The following NRXN1 variants were observed in gnomAD, a reference collection of about 807,000 sequenced individuals.
NRXN1 encodes the protein neurexin-1.
A neutral mutation model predicts 150.9 loss-of-function variants in NRXN1; 39 were observed. The observed-to-expected ratio is 0.26, with a 90% CI of 0.20 to 0.34. NRXN1 has a LOEUF of 0.34. NRXN1 is among the 10% of genes least tolerant of loss of function. The pLI, the probability that NRXN1 is intolerant of heterozygous loss-of-function variation, is 1.00. For missense variants in NRXN1, 1,815 were observed against 1,949.9 expected, an observed-to-expected ratio of 0.93 and a Z score of 1.30; for synonymous variants, 924 against 757.0, an observed-to-expected ratio of 1.22 and a Z score of -3.62.
chr2:50,087,520 A>G (rs1698960328), intron 19 of NRXN1, among the ~76,000 whole-genome samples: 1 of 152,080 alleles, frequency 6.6e-6, no homozygotes, highest in Non-Finnish European at 1.5e-5. Context: ...TTTTGTGGAG[A>G]GAGAAAATTT....
chr2:50,158,918 G>A (rs776394971), intron 18 of NRXN1, among the ~76,000 whole-genome samples: 7 of 152,028 alleles, frequency 4.6e-5, no homozygotes, highest in South Asian at 2.1e-4. Flanking sequence ...GTCAGGATAC[G>A]ACAAAAAACG....
At chr2:50,516,697 T>C (rs1430146306) in intron 12 of NRXN1, among the ~76,000 whole-genome samples, 1 of 152,132 alleles carries the variant, frequency 6.6e-6, no homozygotes, top group African/African-American at 2.4e-5. Flanking sequence ...TGCTCCTCAA[T>C]TTAGCCAAGG....
At position 50,584,459 on chromosome 2, in the gene NRXN1, C is replaced by A. The variant is rs1672777669; in HGVS notation, c.1321-31434G>T. Among the ~76,000 whole-genome samples, 3 of 152,256 alleles carry A rather than the reference C, an allele frequency of 2.0e-5. No homozygotes were observed. The South Asian group carries it at 6.2e-4, about 32-fold the overall frequency. On this transcript the variant is annotated intron_variant, in intron 8 of 22. Coordinates refer to ENST00000401669, the MANE Select transcript of NRXN1 (RefSeq NM_001330078.2). ...GGAAACTGTGGTCATTGAAAAAGTTCTATTTATTCCCTACCAACCATCTAT... is the reference window on the plus strand; with the variant it reads ...GGAAACTGTGGTCATTGAAAAAGTTATATTTATTCCCTACCAACCATCTAT...
At chr2:50,622,906 C>A (rs1292478222) in intron 6 of NRXN1, among the ~76,000 whole-genome samples, 1 of 152,130 alleles carries the variant, frequency 6.6e-6, no homozygotes, top group Non-Finnish European at 1.5e-5. Context: ...TCCCAAATCA[C>A]AAACACTATT....
intron 5 of NRXN1, among the ~76,000 whole-genome samples, chr2:50,735,091 T>A (rs932408558): frequency 2.6e-5 from 4 of 152,176 alleles, no homozygotes; most frequent in African/African-American, 9.7e-5. Context: ...CATTAACTTT[T>A]AAAAGCTTAA....
At chr2:50,068,009 A>G (rs1695620992) in intron 19 of NRXN1, among the ~76,000 whole-genome samples, 1 of 152,186 alleles carries the variant, frequency 6.6e-6, no homozygotes, top group Non-Finnish European at 1.5e-5. Context: ...CACGGAAAAA[A>G]AGATAGGTGA....
intron 14 of NRXN1, 95 bp downstream of exon 14, chr2:50,497,238 T>C: frequency 5.3e-6 from 5 of 941,606 alleles, no homozygotes; most frequent in South Asian, 5.6e-5. Flanking sequence ...CACCACCTTA[T>C]GAGCCAGTAT....
At chr2:50,577,709 AACAC>A (rs145366518) in intron 8 of NRXN1, among the ~76,000 whole-genome samples, 124 of 147,224 alleles carry the variant, frequency 8.4e-4, no homozygotes, top group East Asian at 2.2e-3. Context: ...ACCTGACTGA[AACAC>A]ACACACACAC....
In NRXN1 at chr2:50,618,713, G is replaced by A. The variant is rs557349300; in HGVS notation, c.1320+1309C>T. 3.7e-3 allele frequency among the ~76,000 whole-genome samples: 558 copies of A among 151,208 alleles called. 2 individuals are homozygous for A. Among genetic ancestry groups the A allele is most frequent in the Middle Eastern group, 0.021 (6 of 292 alleles). Reference sequence around the variant, plus strand: ...GTCTACCTATTTTGTGAGGATTCCTGTAAAGCTCTTATAATAGCACAAAAT... The same window carrying A: ...GTCTACCTATTTTGTGAGGATTCCTATAAAGCTCTTATAATAGCACAAAAT... On this transcript the variant is annotated intron_variant, in intron 8 of 22. Transcript: ENST00000401669.
At chr2:50,178,748 C>T (rs1052505939) in intron 18 of NRXN1, among the ~76,000 whole-genome samples, 2 of 152,106 alleles carry the variant, frequency 1.3e-5, no homozygotes, top group East Asian at 3.9e-4. Flanking sequence ...CTGTATAATA[C>T]ATACCATAAA....
intron 8 of NRXN1, among the ~76,000 whole-genome samples, chr2:50,570,365 T>C (rs1206036289): frequency 1.3e-5 from 2 of 152,198 alleles, no homozygotes; most frequent in Admixed American, 1.3e-4. Flanking sequence ...GGTACACAGG[T>C]TGGTGCTGTT....
At chr2:50,592,355 C>A (rs1335211562) in intron 8 of NRXN1, among the ~76,000 whole-genome samples, 3 of 152,314 alleles carry the variant, frequency 2.0e-5, no homozygotes, top group Admixed American at 2.0e-4. Context: ...TAAAAGCCAT[C>A]AATCCAGCAC....
intron 17 of NRXN1, among the ~76,000 whole-genome samples, chr2:50,354,843 G>A (rs565035751): frequency 6.6e-6 from 1 of 152,006 alleles, no homozygotes; most frequent in South Asian, 2.1e-4. Flanking sequence ...CCATGAACTG[G>A]CAACCTGGGA....
Position 50,921,850 on chromosome 2 carries a change from A to G in NRXN1, c.832+19T>C. 1 of 1,267,440 alleles carries G rather than the reference A, an allele frequency of 7.9e-7. No homozygotes were observed. The highest frequency in any genetic ancestry group is 1.1e-6 in the Non-Finnish European group (1 of 934,766). 78.5% of individuals were successfully genotyped at this position (1,267,440 alleles called of 1,614,324 possible). ...AATTCATACAGATGATATTAAGAAG[A>G]AATAAAATAATGTAATACCTTTACT... On this transcript the variant is annotated intron_variant, in intron 5 of 22. Coordinates refer to ENST00000401669, the MANE Select transcript of NRXN1 (RefSeq NM_001330078.2).
chr2:50,165,942 C>A (rs569615785), intron 18 of NRXN1, among the ~76,000 whole-genome samples: 4 of 152,254 alleles, frequency 2.6e-5, no homozygotes, highest in African/African-American at 9.6e-5. Context: ...CTATATTTAG[C>A]ATAATCTAAG....
At chr2:50,475,403 G>C (rs2104735461) in intron 15 of NRXN1, among the ~76,000 whole-genome samples, 1 of 109,274 alleles carries the variant, frequency 9.2e-6, no homozygotes, top group South Asian at 2.7e-4. Context: ...AATAAAAAAA[G>C]AGGAAACAGT....
chr2:49,980,235 G>A lies in NRXN1; in HGVS notation c.4129-36444C>T, dbSNP rs112507965. Among the ~76,000 whole-genome samples, 10 of 152,246 alleles carry A rather than the reference G, an allele frequency of 6.6e-5. 1 individual carries two copies. Among genetic ancestry groups the A allele is most frequent in the African/African-American group, 1.9e-4 (8 of 41,546 alleles). ...ATGCATAAGAACCAACAAGGCACACGTTAAACATCCAGATTTCTGGGCCCT... is the reference window on the plus strand; with the variant it reads ...ATGCATAAGAACCAACAAGGCACACATTAAACATCCAGATTTCTGGGCCCT... On this transcript the variant is annotated intron_variant, in intron 21 of 22. Coordinates refer to ENST00000401669, the MANE Select transcript of NRXN1 (RefSeq NM_001330078.2).
rs141009034 is a variant in NRXN1, at chr2:50,088,126, C to A, written c.3718+3197G>T. Among the ~76,000 whole-genome samples the A allele has an allele frequency of 5.7e-3, 874 of 152,216 alleles. 6 individuals are homozygous for A. Among genetic ancestry groups the A allele is most frequent in the Non-Finnish European group, 9.9e-3 (676 of 67,948 alleles). ...AAAATTAATAAAAAGAGCCATACCA[C>A]AAACTGACATAAAATACATATACTA... On this transcript the variant is annotated intron_variant, in intron 19 of 22. Transcript: ENST00000401669.
intron 5 of NRXN1, among the ~76,000 whole-genome samples, chr2:50,829,041 A>G (rs1349954050): frequency 2.0e-5 from 3 of 152,206 alleles, no homozygotes; most frequent in Non-Finnish European, 4.4e-5. Context: ...AGCCCAGCCA[A>G]CACAGCAAAA....
Sources: allele counts gnomAD v4.1 joint callset (sites outside exome capture counted in the v4.1 genomes callset), GRCh38; gene constraint gnomAD v4.1.1; transcripts MANE v1.5; gene names NCBI Gene and HGNC (gene_info 2026-07-23, HGNC 2026-07-21).